SUGCT: variants seen among roughly 807,000 people sequenced by gnomAD.
SUGCT encodes the protein succinyl-CoA:glutarate-CoA transferase.
Under a neutral mutation model 55.0 loss-of-function variants are expected in SUGCT, and 41 were observed. The observed-to-expected ratio is 0.74, with a 90% confidence interval of 0.58 to 0.97. The LOEUF (loss-of-function observed/expected upper bound fraction) is 0.97. Ranked by LOEUF, SUGCT falls within the 50% of genes least tolerant of loss-of-function variation. SUGCT has a pLI of 0.00. For synonymous variants in SUGCT, 187 were observed against 200.4 expected (o/e 0.93, Z 0.56); for missense variants, 568 against 547.8 (o/e 1.04, Z -0.37).
rs699484 is a variant in SUGCT, at chr7:40,860,576, A to G, written c.*97A>G. On this transcript the variant is annotated 3_prime_UTR_variant, in exon 14 of 14. Transcript: ENST00000335693. The stretch of plus-strand genomic sequence containing the variant: ...TTCTCCCCAGTTCTGATACCACTAA[A>G]AAGAAGATTTAGAGTAACTCCAGAT... 0.36 allele frequency: 468,073 copies of G among 1,299,872 alleles called. 90,520 individuals carry two copies. The highest frequency in any genetic ancestry group is 0.82 in the East Asian group (32,466 of 39,734). 80.5% of individuals were successfully genotyped at this position (1,299,872 alleles called of 1,614,324 possible). A position where few individuals can be genotyped will look rare whatever the true frequency, so the allele number is the denominator to read the frequency against.
the SUGCT span, among the ~76,000 whole-genome samples, chr7:40,962,777 T>G: frequency 7.9e-5 from 12 of 152,148 alleles, no homozygotes; most frequent in South Asian, 2.1e-4. Flanking sequence ...CCGGGTTGAC[T>G]TTTGATAAGG....
At chr7:40,372,623 T>C (rs548933617) in intron 9 of SUGCT, among the ~76,000 whole-genome samples, 1 of 152,194 alleles carries the variant, frequency 6.6e-6, no homozygotes, top group East Asian at 1.9e-4. Context: ...CCCAATGTTG[T>C]GTTAATTATT....
chr7:40,818,274 A>T (rs1016122785), intron 13 of SUGCT, among the ~76,000 whole-genome samples: 3 of 152,218 alleles, frequency 2.0e-5, no homozygotes, highest in African/African-American at 7.2e-5. Context: ...ATGCACTTCC[A>T]TATTACCATC....
the SUGCT span, among the ~76,000 whole-genome samples, chr7:41,005,385 A>G: frequency 6.6e-6 from 1 of 152,118 alleles, no homozygotes; most frequent in African/African-American, 2.4e-5. Context: ...CCCATGAGGG[A>G]TAAAAGAGGT....
At chr7:40,906,369 T>C in the SUGCT span, among the ~76,000 whole-genome samples, 4 of 152,162 alleles carry the variant, frequency 2.6e-5, no homozygotes, top group Non-Finnish European at 5.9e-5. Context: ...AAAGGACTAA[T>C]AGTGAGTCTT....
intron 6 of SUGCT, among the ~76,000 whole-genome samples, chr7:40,236,442 C>CAAAAAAAAAAAAAAAAAAAAAAAAA (rs60720770): frequency 4.4e-5 from 4 of 90,024 alleles, no homozygotes; most frequent in African/African-American, 2.0e-4. Flanking sequence ...TTTCTGATGG[C>CAAAAAAAAAAAAAAAAAAAAAAAAA]AAAAAAAAAA....
intron 9 of SUGCT, among the ~76,000 whole-genome samples, chr7:40,328,281 G>C (rs1188367793): frequency 6.6e-6 from 1 of 152,198 alleles, no homozygotes; most frequent in East Asian, 1.9e-4. Context: ...GGTCGCATAT[G>C]CTAAAATGGT....
chr7:40,934,404 C>T, the SUGCT span, among the ~76,000 whole-genome samples: 3 of 152,202 alleles, frequency 2.0e-5, no homozygotes, highest in African/African-American at 7.2e-5. Flanking sequence ...GTCAGGGACC[C>T]ATTTGAGGAG....
chr7:40,475,053 C>A (rs1790588846), intron 11 of SUGCT, among the ~76,000 whole-genome samples: 1 of 152,140 alleles, frequency 6.6e-6, no homozygotes, highest in Non-Finnish European at 1.5e-5. Context: ...AGCTATGTGC[C>A]ACGTTGACTT....
At chr7:40,807,634 T>C (rs142867912) in intron 13 of SUGCT, among the ~76,000 whole-genome samples, 13 of 152,296 alleles carry the variant, frequency 8.5e-5, no homozygotes, top group African/African-American at 2.6e-4. Flanking sequence ...GTCTGAGTTA[T>C]GATGGAAGGG....
Position 40,798,974 on chromosome 7 carries a change from C to T in SUGCT, c.1153+49477C>T, listed in dbSNP as rs529298625. ...AAACTACCCCAGTGCCATTGCAAAT[C>T]CCTGCGGATTTTTGCTTTAGGAAGA... is the stretch of plus-strand genomic sequence containing the variant. On this transcript the variant is annotated intron_variant, in intron 13 of 13. Transcript: ENST00000335693. Among the ~76,000 whole-genome samples the T allele has an allele frequency of 8.5e-5, 13 of 152,290 alleles. No homozygotes were observed. In the East Asian group the frequency reaches 2.1e-3, roughly 25 times the overall value.
the SUGCT span, among the ~76,000 whole-genome samples, chr7:40,984,316 G>T: frequency 6.6e-6 from 1 of 152,026 alleles, no homozygotes; most frequent in Non-Finnish European, 1.5e-5. Flanking sequence ...CAGGCATTGT[G>T]CTAGGTGTTC....
chr7:40,272,193 T>TACACAC (rs567563859), intron 7 of SUGCT, among the ~76,000 whole-genome samples: 20 of 76,290 alleles, frequency 2.6e-4, no homozygotes, highest in Non-Finnish European at 5.0e-4. Flanking sequence ...TATATATATA[T>TACACAC]ACAGGGTCTC....
At chr7:40,802,593 G>A (rs1054434872) in intron 13 of SUGCT, among the ~76,000 whole-genome samples, 1 of 152,150 alleles carries the variant, frequency 6.6e-6, no homozygotes, top group Non-Finnish European at 1.5e-5. Context: ...AGTAGTGAGC[G>A]GTAGAACTGA....
intron 12 of SUGCT, among the ~76,000 whole-genome samples, chr7:40,609,083 G>T (rs1798650619): frequency 6.6e-6 from 1 of 152,020 alleles, no homozygotes; most frequent in Non-Finnish European, 1.5e-5. Context: ...ATATAAATGG[G>T]CTCCTATTCT....
chr7:40,253,027 G>A (rs1790544437), intron 7 of SUGCT, among the ~76,000 whole-genome samples: 1 of 152,152 alleles, frequency 6.6e-6, no homozygotes, highest in African/African-American at 2.4e-5. Flanking sequence ...TTTTTTATCA[G>A]CAATTGTGTA....
At chr7:40,204,081 C>T (rs1786790005) in intron 6 of SUGCT, among the ~76,000 whole-genome samples, 1 of 151,792 alleles carries the variant, frequency 6.6e-6, no homozygotes, top group Admixed American at 6.6e-5. Context: ...TTTGACTTCC[C>T]AGGCTCACGT....
chr7:40,593,657 G>A (rs138517313), intron 12 of SUGCT, among the ~76,000 whole-genome samples: 6 of 152,156 alleles, frequency 3.9e-5, no homozygotes, highest in South Asian at 2.1e-4. Context: ...CCTGGCCAAC[G>A]TGGTGAAACT....
chr7:40,922,349 C>T, the SUGCT span, among the ~76,000 whole-genome samples: 2 of 152,192 alleles, frequency 1.3e-5, no homozygotes, highest in Non-Finnish European at 2.9e-5. Context: ...TTTCAGGAAA[C>T]TCTTTGGCTC....
Sources: allele counts gnomAD v4.1 joint callset (sites outside exome capture counted in the v4.1 genomes callset), GRCh38; gene constraint gnomAD v4.1.1; transcripts MANE v1.5; gene names NCBI Gene and HGNC (gene_info 2026-07-23, HGNC 2026-07-21).